F8: variants seen among roughly 807,000 people sequenced by gnomAD.
F8 encodes antihemophilic factor.
F8 carries 12 observed loss-of-function variants against 140.6 expected under a neutral mutation model. The ratio of observed to expected loss-of-function variants is 0.09; its 90% CI spans 0.05 to 0.14. The LOEUF is 0.14. Among genes scored for constraint, F8 ranks in the 10% least tolerant of loss-of-function variants. The pLI is 1.00. For missense variants in F8, 1,354 were observed against 1,720.7 expected, an observed-to-expected ratio of 0.79 and a Z score of 3.77; for synonymous variants, 585 against 614.6, an observed-to-expected ratio of 0.95 and a Z score of 0.71.
At chrX:154,900,327 G>A (rs2073003068) in intron 20 of F8, among the ~76,000 whole-genome samples, 1 of 110,700 alleles carries the variant, frequency 9.0e-6, no homozygotes, top group African/African-American at 3.3e-5. Flanking sequence ...TCCACCTCCT[G>A]AGTTCAAGCA....
At chrX:154,935,965 T>TAGAGA (rs199864551) in intron 13 of F8, among the ~76,000 whole-genome samples, 6,948 of 96,113 alleles carry the variant, frequency 0.072, 629 homozygotes, top group African/African-American at 0.26. Context: ...TGAATAAGCC[T>TAGAGA]AGAGAATGCC....
At chrX:154,877,556 C>G (rs28557132) in intron 22 of F8, among the ~76,000 whole-genome samples, 1,371 of 110,681 alleles carry the variant, frequency 0.012, 24 homozygotes, top group African/African-American at 0.043. Flanking sequence ...GCAGTGGCGC[C>G]ATCTCCGCTC....
chrX:154,936,228 T>C (rs1205683149), intron 13 of F8, among the ~76,000 whole-genome samples: 1 of 111,405 alleles, frequency 9.0e-6, no homozygotes, highest in Non-Finnish European at 1.9e-5. Context: ...AAACCCAGAA[T>C]TCTATACACA....
intron 6 of F8, among the ~76,000 whole-genome samples, chrX:154,978,507 C>T (rs782340287): frequency 8.9e-6 from 1 of 111,950 alleles, no homozygotes; most frequent in South Asian, 3.7e-4. Context: ...TTAGAATGTA[C>T]AATTAAGTTA....
chrX:155,010,865 T>C (rs1346825093), intron 1 of F8, among the ~76,000 whole-genome samples: 1 of 111,567 alleles, frequency 9.0e-6, no homozygotes, highest in Non-Finnish European at 1.9e-5. Flanking sequence ...TAGAACGAAC[T>C]TGGATCCCCT....
At chrX:154,972,228 A>G (rs1314955930) in intron 6 of F8, among the ~76,000 whole-genome samples, 1 of 111,782 alleles carries the variant, frequency 8.9e-6, no homozygotes, top group East Asian at 2.8e-4. Flanking sequence ...AACAGGGGTA[A>G]GTGATATCTC....
intron 11 of F8, among the ~76,000 whole-genome samples, chrX:154,955,585 C>T (rs781794103): frequency 9.1e-6 from 1 of 109,814 alleles, no homozygotes; most frequent in Non-Finnish European, 1.9e-5. Context: ...AGAAAGAGTA[C>T]AAAAGAGAGA....
chrX:154,945,149 C>A (rs1426997292), intron 13 of F8, among the ~76,000 whole-genome samples: 6 of 110,035 alleles, frequency 5.5e-5, no homozygotes, highest in Non-Finnish European at 1.1e-4. Flanking sequence ...TGCACATGTA[C>A]CCTAAAACTT....
Position 154,890,362 on chromosome X carries a change from G to A in F8, c.6429+5715C>T, listed in dbSNP as rs782587301. Among the ~76,000 whole-genome samples, 14 of 112,191 alleles carry A rather than the reference G, an allele frequency of 1.2e-4. No homozygotes were observed. The South Asian group carries it at 5.2e-3, about 42-fold the overall frequency. On this transcript the variant is annotated intron_variant, in intron 22 of 25. Coordinates refer to ENST00000360256, the MANE Select transcript of F8 (RefSeq NM_000132.4). The stretch of plus-strand genomic sequence containing the variant: ...AACCTCATGAGAGTAGTTAATAACT[G>A]TAAGTAATTTATCCTTATCGTTAAA...
intron 14 of F8, among the ~76,000 whole-genome samples, chrX:154,915,240 G>A (rs141853422): frequency 1.4e-3 from 156 of 111,814 alleles, no homozygotes; most frequent in Non-Finnish European, 2.5e-3. Flanking sequence ...TCCCTCCCAC[G>A]ACATGTGGGG....
At chrX:155,017,620 T>C (rs2073741052) in intron 1 of F8, among the ~76,000 whole-genome samples, 1 of 112,326 alleles carries the variant, frequency 8.9e-6, no homozygotes, top group Non-Finnish European at 1.9e-5. Context: ...AACATTATCT[T>C]GTACACCTTA....
chrX:154,995,422 T>C (rs187778658), intron 3 of F8, among the ~76,000 whole-genome samples: 237 of 112,043 alleles, frequency 2.1e-3, no homozygotes, highest in Admixed American at 0.021. Context: ...TTCAGCTATG[T>C]CCATCCCTTT....
intron 21 of F8, among the ~76,000 whole-genome samples, chrX:154,898,478 G>C (rs781807725): frequency 3.6e-5 from 4 of 112,018 alleles, no homozygotes; most frequent in Non-Finnish European, 7.5e-5. Flanking sequence ...GAGCATTCCG[G>C]AAACAGTGTA....
At chrX:154,935,942 C>T (rs1375538594) in intron 13 of F8, among the ~76,000 whole-genome samples, 1 of 102,889 alleles carries the variant, frequency 9.7e-6, no homozygotes, top group African/African-American at 3.8e-5. Context: ...ATTAATGATA[C>T]CAAATTACAG....
intron 25 of F8, among the ~76,000 whole-genome samples, chrX:154,843,279 G>C (rs13441028): frequency 0.012 from 1,375 of 111,930 alleles, 24 homozygotes; most frequent in African/African-American, 0.042. Context: ...CTTTATAGCA[G>C]CATGATTTAT....
At chrX:154,907,290 T>C (rs1295195741) in intron 14 of F8, among the ~76,000 whole-genome samples, 1 of 112,496 alleles carries the variant, frequency 8.9e-6, no homozygotes, top group Non-Finnish European at 1.9e-5. Context: ...GATTCATCTA[T>C]ATTATCATAT....
At position 154,860,497 on chromosome X, in the gene F8, A is replaced by T. The variant is rs782717799; in HGVS notation, c.6835T>A (p.Phe2279Ile). 8.3e-7 allele frequency: 1 copy of T among 1,209,570 alleles called. No individual in the cohort carries two copies. The highest frequency in any genetic ancestry group is 1.1e-6 in the Non-Finnish European group (1 of 894,447). Residue 2279 changes from phenylalanine (F) to isoleucine (I), a missense_variant, in exon 25 of 26, where the codon TTC becomes ATC. Transcript: ENST00000360256. ...SLLTSMYVKE[F>I]LISSSQDGHQ... is the part of the protein sequence containing the mutation. Reference sequence around the variant, plus strand: ...CCATCTTGACTGCTGGAGATGAGGAACTCCTTCACATACATGCTGGTAAGC... The same window carrying T: ...CCATCTTGACTGCTGGAGATGAGGATCTCCTTCACATACATGCTGGTAAGC...
At chrX:155,012,013 G>A (rs1280242947) in intron 1 of F8, among the ~76,000 whole-genome samples, 1 of 112,054 alleles carries the variant, frequency 8.9e-6, no homozygotes, top group African/African-American at 3.2e-5. Flanking sequence ...AGAAGTGACT[G>A]TTTAATGATT....
chrX:154,848,574 G>T (rs1603431225), intron 25 of F8, among the ~76,000 whole-genome samples: 2 of 112,355 alleles, frequency 1.8e-5, no homozygotes, highest in Admixed American at 1.9e-4. Flanking sequence ...GTGGGTGTGG[G>T]ACCCTCTGAG....
Sources: allele counts gnomAD v4.1 joint callset (sites outside exome capture counted in the v4.1 genomes callset), GRCh38; gene constraint gnomAD v4.1.1; transcripts MANE v1.5; gene names NCBI Gene and HGNC (gene_info 2026-07-23, HGNC 2026-07-21).